PLA2R1: variants seen among roughly 807,000 people sequenced by gnomAD.
PLA2R1 encodes phospholipase A2 receptor 1.
In PLA2R1, 158 loss-of-function variants were observed where a neutral mutation model predicts 195.9. The ratio of observed to expected loss-of-function variants is 0.81; its 90% CI spans 0.71 to 0.92. The LOEUF (loss-of-function observed/expected upper bound fraction) is 0.92, where lower values mean the gene tolerates loss of function less well. PLA2R1 is among the 40% of genes least tolerant of loss of function. The pLI, the probability that PLA2R1 is intolerant of heterozygous loss-of-function variation, is 0.00. For missense variants in PLA2R1, 1,626 were observed against 1,764.6 expected (o/e 0.92, Z 1.41); for synonymous variants, 586 against 598.2 (o/e 0.98, Z 0.30).
At chr2:159,998,615 T>G (rs1458467773) in intron 11 of PLA2R1, among the ~76,000 whole-genome samples, 1 of 152,174 alleles carries the variant, frequency 6.6e-6, no homozygotes, top group Non-Finnish European at 1.5e-5. Context: ...CTCTTTAGCT[T>G]GTAATATTAA....
At chr2:159,976,982 T>G (rs1315976574) in intron 15 of PLA2R1, among the ~76,000 whole-genome samples, 1 of 152,222 alleles carries the variant, frequency 6.6e-6, no homozygotes, top group Non-Finnish European at 1.5e-5. Flanking sequence ...TGTTTCCACT[T>G]ACTCATTGTG....
At chr2:159,975,400 C>G (rs1445309047) in intron 17 of PLA2R1, among the ~76,000 whole-genome samples, 1 of 152,080 alleles carries the variant, frequency 6.6e-6, no homozygotes, top group Non-Finnish European at 1.5e-5. Context: ...TTTAATAGGT[C>G]TTACATGTTT....
At chr2:160,056,359 G>T (rs752145729) in intron 1 of PLA2R1, among the ~76,000 whole-genome samples, 2 of 152,054 alleles carry the variant, frequency 1.3e-5, no homozygotes, top group Non-Finnish European at 2.9e-5. Flanking sequence ...AACTCTACTC[G>T]ACTTTAGCTT....
chr2:160,028,064 C>G (rs1693630332), intron 6 of PLA2R1, among the ~76,000 whole-genome samples, 154 bp downstream of exon 6: 1 of 152,114 alleles, frequency 6.6e-6, no homozygotes, highest in Non-Finnish European at 1.5e-5. Context: ...TTTGACATAA[C>G]AGATATTGTC....
intron 7 of PLA2R1, among the ~76,000 whole-genome samples, chr2:160,022,003 T>C (rs1205477649): frequency 1.3e-5 from 2 of 152,320 alleles, no homozygotes; most frequent in South Asian, 2.1e-4. Flanking sequence ...CAGAGAAGGA[T>C]GCATGTTTTT....
the PLA2R1 span, among the ~76,000 whole-genome samples, chr2:159,925,258 C>T: frequency 0.16 from 24,123 of 151,956 alleles, 2,264 homozygotes; most frequent in South Asian, 0.42. Context: ...TGGTAAGCAT[C>T]TTACAGGCTG....
intron 20 of PLA2R1, among the ~76,000 whole-genome samples, chr2:159,959,441 T>C (rs962619065): frequency 5.3e-5 from 8 of 152,174 alleles, no homozygotes; most frequent in Non-Finnish European, 1.2e-4. Context: ...CACTCCGAAA[T>C]TGTGTCATTA....
intron 13 of PLA2R1, 57 bp downstream of exon 13, chr2:159,983,871 C>G: frequency 1.0e-6 from 1 of 973,004 alleles, no homozygotes; most frequent in South Asian, 1.6e-5. Context: ...CCCTCAGAAG[C>G]CATTACTGGG....
chr2:159,961,498 A>T (rs2105194208), intron 20 of PLA2R1, among the ~76,000 whole-genome samples: 1 of 152,326 alleles, frequency 6.6e-6, no homozygotes, highest in East Asian at 1.9e-4. Flanking sequence ...TGCTGATTCT[A>T]AATATTTGAC....
Position 159,941,833 on chromosome 2 carries a change from G to A in PLA2R1, c.4337C>T (p.Thr1446Ile). 1 of 1,612,070 alleles carries A rather than the reference G, an allele frequency of 6.2e-7. No homozygotes were observed. The highest frequency in any genetic ancestry group is 8.5e-7 in the Non-Finnish European group (1 of 1,178,278). The change falls in exon 30 of 30, where the codon ACA becomes ATA. Residue 1446 changes from threonine (T) to isoleucine (I), a missense_variant. By Grantham distance (89) the Thr-to-Ile change is moderately conservative. Coordinates refer to ENST00000283243, the MANE Select transcript of PLA2R1 (RefSeq NM_007366.5). ...NPYYPATNFS[T>I]VYLEENILIS... ...GAGAATATTTTCTTCTAAATATACT[G>A]TACTAAAGTTGGTTGCAGGATAGTA...
chr2:159,991,832 A>C, intron 11 of PLA2R1, among the ~76,000 whole-genome samples: 1 of 95,762 alleles, frequency 1.0e-5, no homozygotes, highest in Non-Finnish European at 2.2e-5. Context: ...CATGGTGTAT[A>C]TGTGCCACAT....
Position 160,016,717 on chromosome 2 carries a change from G to T in PLA2R1, c.1453-5C>A, listed in dbSNP as rs371214329. ...TTTGACTTTCCAGTGTCCCTCCTAC[G>T]GAGAAAAATGTTACAAGAGAATGAA... On this transcript the variant is annotated splice_polypyrimidine_tract_variant and splice_region_variant and intron_variant, in intron 8 of 29. Transcript: ENST00000283243. The T allele has an allele frequency of 4.9e-6, 7 of 1,414,328 alleles. No homozygotes were observed. The highest frequency in any genetic ancestry group is 7.0e-6 in the Non-Finnish European group (7 of 998,546). The allele number at this position is 1,414,328 out of a possible 1,614,324, so 87.6% of individuals were successfully genotyped here.
At chr2:159,930,129 C>CT (rs1244938780), downstream of PLA2R1, among the ~76,000 whole-genome samples, 1 of 152,152 alleles carries the variant, frequency 6.6e-6, no homozygotes, top group Non-Finnish European at 1.5e-5. Flanking sequence ...ACATTGGTGG[C>CT]CAGGCGCGGT....
intron 23 of PLA2R1, among the ~76,000 whole-genome samples, chr2:159,952,035 ATACTCGAT>A (rs1489424726): frequency 4.6e-5 from 7 of 152,356 alleles, no homozygotes; most frequent in African/African-American, 1.7e-4. Context: ...ATCAGGTAAA[ATACTCGAT>A]TACACTTTTG....
intron 15 of PLA2R1, 47 bp downstream of exon 15, chr2:159,977,237 A>C (rs370755383): frequency 1.6e-5 from 23 of 1,435,608 alleles, no homozygotes; most frequent in Non-Finnish European, 2.1e-5. Context: ...AGTACTAGAG[A>C]TTATTAGAAA....
At chr2:159,964,087 A>T (rs10173701) in intron 20 of PLA2R1, among the ~76,000 whole-genome samples, 32,205 of 152,184 alleles carry the variant, frequency 0.21, 3,916 homozygotes, top group Admixed American at 0.36. Flanking sequence ...GGCAATTTTG[A>T]TATATGCTAA....
intron 18 of PLA2R1, among the ~76,000 whole-genome samples, 165 bp from the exon 19 acceptor site, chr2:159,969,524 T>C (rs1689005859): frequency 6.6e-6 from 1 of 152,194 alleles, no homozygotes; most frequent in African/African-American, 2.4e-5. Context: ...TATTGTATCA[T>C]ATACTTAAAA....
chr2:159,951,294 TA>T, intron 24 of PLA2R1, 45 bp downstream of exon 24: 1 of 1,086,922 alleles, frequency 9.2e-7, no homozygotes, highest in Non-Finnish European at 1.4e-6. Context: ...AGGTAGATGC[TA>T]AACTTAATTA....
At chr2:160,028,441 C>G (rs1693655257) in intron 5 of PLA2R1, 80 bp from the exon 6 acceptor site, 1 of 961,276 alleles carries the variant, frequency 1.0e-6, no homozygotes, top group South Asian at 1.4e-5. Flanking sequence ...TTTTCAGCAT[C>G]GGGGGACAGC....
Sources: gnomAD v4.1 joint callset for allele counts (sites outside exome capture counted in the v4.1 genomes callset) on GRCh38, gnomAD v4.1.1 for gene constraint, MANE v1.5 for transcripts, NCBI Gene and HGNC (gene_info 2026-07-23, HGNC 2026-07-21) for gene names.